Variants in RGS6 observed in about 807,000 individuals in gnomAD.
RGS6 encodes the protein regulator of G-protein signaling 6.
Under a neutral mutation model 78.5 loss-of-function variants are expected in RGS6, and 30 were observed. The ratio of observed to expected loss-of-function variants is 0.38; its 90% CI spans 0.29 to 0.52. The LOEUF (loss-of-function observed/expected upper bound fraction) is 0.52, where lower values mean the gene tolerates loss of function less well. RGS6 is among the 20% of genes least tolerant of loss of function. RGS6 has a pLI of 0.85. For synonymous variants in RGS6, 206 were observed against 206.0 expected, an observed-to-expected ratio of 1.00 and a Z score of 0.00; for missense variants, 495 against 609.7, an observed-to-expected ratio of 0.81 and a Z score of 1.98.
chr14:72,567,763 T>C (rs933295033), downstream of RGS6, among the ~76,000 whole-genome samples: 7 of 152,212 alleles, frequency 4.6e-5, no homozygotes, highest in African/African-American at 1.7e-4. Context: ...AGTAGTTCTC[T>C]GAGAGGCATA....
chr14:72,268,790 T>C (rs903476850), intron 2 of RGS6, among the ~76,000 whole-genome samples: 3 of 151,798 alleles, frequency 2.0e-5, no homozygotes, highest in Admixed American at 2.0e-4. Flanking sequence ...AATAATGATA[T>C]TCAGTGTTAG....
At position 72,562,401 on chromosome 14, in the gene RGS6, C is replaced by T. The variant is rs372521581; in HGVS notation, c.1423-16C>T. On this transcript the variant is annotated splice_polypyrimidine_tract_variant and intron_variant, in intron 17 of 17. Coordinates refer to ENST00000553525, the MANE Select transcript of RGS6 (RefSeq NM_001204424.2). ...TGTGCGCCTGTGCGTGCCTCTCTGT[C>T]GCTGTCTCTCTGCAGGGAAAGTCGC... The T allele has an allele frequency of 5.5e-5, 89 of 1,611,418 alleles. No individual in the cohort carries two copies. Among genetic ancestry groups the T allele is most frequent in the African/African-American group, 2.0e-4 (15 of 74,938 alleles).
chr14:72,237,306 T>G (rs540260071), intron 2 of RGS6, among the ~76,000 whole-genome samples: 3 of 152,318 alleles, frequency 2.0e-5, no homozygotes, highest in Admixed American at 6.5e-5. Flanking sequence ...AAAATTGCTG[T>G]GCATGTTCTT....
At chr14:72,080,345 T>A (rs2094766783) in intron 2 of RGS6, among the ~76,000 whole-genome samples, 1 of 152,174 alleles carries the variant, frequency 6.6e-6, no homozygotes, top group Non-Finnish European at 1.5e-5. Flanking sequence ...AAATGTCTAT[T>A]GAGGTCCTTT....
At chr14:72,412,542 A>G (rs2093497220) in intron 3 of RGS6, among the ~76,000 whole-genome samples, 1 of 151,900 alleles carries the variant, frequency 6.6e-6, no homozygotes. Context: ...TATTTTTTTG[A>G]AGGGTTTTTT....
intron 2 of RGS6, among the ~76,000 whole-genome samples, chr14:72,253,307 G>T (rs2056286735): frequency 6.6e-6 from 1 of 152,228 alleles, no homozygotes; most frequent in Non-Finnish European, 1.5e-5. Flanking sequence ...TGGCATGTAA[G>T]GTGAGTAGGA....
At chr14:72,501,216 G>A (rs965891247) in intron 13 of RGS6, among the ~76,000 whole-genome samples, 1 of 152,166 alleles carries the variant, frequency 6.6e-6, no homozygotes, top group Admixed American at 6.5e-5. Flanking sequence ...AATATACTGA[G>A]TCTGCCGTGG....
chr14:72,523,490 G>A (rs753390588), intron 15 of RGS6, among the ~76,000 whole-genome samples: 4 of 152,158 alleles, frequency 2.6e-5, no homozygotes, highest in African/African-American at 7.2e-5. Context: ...CTGAGAGAAA[G>A]TACAGCCAGA....
At chr14:72,421,404 T>C (rs1439592778) in intron 3 of RGS6, among the ~76,000 whole-genome samples, 1 of 152,156 alleles carries the variant, frequency 6.6e-6, no homozygotes, top group Non-Finnish European at 1.5e-5. Context: ...AGCCAAAGAC[T>C]GTATTGAAAT....
chr14:72,271,645 G>A (rs985841911), intron 2 of RGS6, among the ~76,000 whole-genome samples: 3 of 152,334 alleles, frequency 2.0e-5, no homozygotes, highest in Middle Eastern at 3.4e-3. Context: ...TTCCAACTCT[G>A]TATTAGTTTT....
intron 3 of RGS6, among the ~76,000 whole-genome samples, chr14:72,370,108 A>G (rs2083188519): frequency 6.6e-6 from 1 of 151,808 alleles, no homozygotes; most frequent in Non-Finnish European, 1.5e-5. Context: ...AGACTAGCCT[A>G]CTCAGACCAA....
intron 3 of RGS6, among the ~76,000 whole-genome samples, chr14:72,383,177 C>CATATATAT (rs35175623): frequency 0.078 from 5,440 of 70,122 alleles, 339 homozygotes; most frequent in Non-Finnish European, 0.092. Context: ...AAAAATTGTA[C>CATATATAT]ATATATATAT....
chr14:72,053,387 G>T (rs2093447678), intron 2 of RGS6, among the ~76,000 whole-genome samples: 1 of 151,746 alleles, frequency 6.6e-6, no homozygotes, highest in Admixed American at 6.6e-5. Flanking sequence ...CGAAGTGCTG[G>T]GATTACAGGC....
chr14:72,168,764 A>T (rs1016200957), intron 2 of RGS6, among the ~76,000 whole-genome samples: 7 of 152,224 alleles, frequency 4.6e-5, no homozygotes, highest in African/African-American at 1.4e-4. Context: ...CTGCTAGGAC[A>T]CATCTCCTGC....
intron 15 of RGS6, among the ~76,000 whole-genome samples, chr14:72,528,722 AAGAG>A (rs767506347): frequency 2.0e-5 from 3 of 152,174 alleles, no homozygotes; most frequent in East Asian, 1.9e-4. Context: ...CAAAGCAAGA[AAGAG>A]AGAGAGCACG....
intron 2 of RGS6, among the ~76,000 whole-genome samples, chr14:72,050,961 G>A (rs2093200280): frequency 6.6e-6 from 1 of 152,152 alleles, no homozygotes; most frequent in South Asian, 2.1e-4. Context: ...ATGGGAGTTA[G>A]GCAGCCTTGT....
At chr14:72,551,857 TA>T (rs1555470212) in intron 17 of RGS6, among the ~76,000 whole-genome samples, 1 of 152,236 alleles carries the variant, frequency 6.6e-6, no homozygotes, top group Non-Finnish European at 1.5e-5. Context: ...CTCCATCACT[TA>T]GTTGTTTGAA....
At chr14:72,218,042 A>G (rs2045991993) in intron 2 of RGS6, among the ~76,000 whole-genome samples, 2 of 152,314 alleles carry the variant, frequency 1.3e-5, no homozygotes, top group African/African-American at 4.8e-5. Flanking sequence ...TTGAAGAATG[A>G]CATTCTTTTA....
chr14:72,171,919 T>G (rs1448336263), intron 2 of RGS6, among the ~76,000 whole-genome samples: 1 of 152,178 alleles, frequency 6.6e-6, no homozygotes, highest in Non-Finnish European at 1.5e-5. Flanking sequence ...CAGCATTTCT[T>G]GGGATTCTAA....
Sources: allele counts gnomAD v4.1 joint callset (sites outside exome capture counted in the v4.1 genomes callset), GRCh38; gene constraint gnomAD v4.1.1; transcripts MANE v1.5; gene names NCBI Gene and HGNC (gene_info 2026-07-23, HGNC 2026-07-21).